Variants in COL10A1 observed in about 807,000 individuals in gnomAD.
COL10A1 encodes the protein collagen alpha-1(X) chain.
A neutral mutation model predicts 18.2 loss-of-function variants in COL10A1; 10 were observed. That is an observed-to-expected ratio of 0.55 (90% CI 0.34 to 0.93). The LOEUF (loss-of-function observed/expected upper bound fraction) is 0.93. Among genes scored for constraint, COL10A1 ranks in the 40% least tolerant of loss-of-function variants. The pLI, the probability that COL10A1 is intolerant of heterozygous loss-of-function variation, is 0.02. For synonymous variants in COL10A1, 330 were observed against 316.6 expected (o/e 1.04, Z -0.45); for missense variants, 897 against 853.5 (o/e 1.05, Z -0.64).
At chr6:116,130,360 A>AT (rs1779428956), upstream of COL10A1, among the ~76,000 whole-genome samples, 2 of 152,036 alleles carry the variant, frequency 1.3e-5, no homozygotes, top group South Asian at 4.2e-4. Context: ...TAATCTTACT[A>AT]TTGTTCAGAA....
chr6:116,196,208 A>G, the COL10A1 span, among the ~76,000 whole-genome samples: 648 of 152,108 alleles, frequency 4.3e-3, 4 homozygotes, highest in African/African-American at 0.015. Context: ...CTTAAACCTC[A>G]AATCACCCAG....
the COL10A1 span, among the ~76,000 whole-genome samples, chr6:116,187,542 G>A: frequency 4.9e-4 from 75 of 152,178 alleles, no homozygotes; most frequent in African/African-American, 1.5e-3. Flanking sequence ...TCACTGAACC[G>A]GAGATGCCAG....
the COL10A1 span, among the ~76,000 whole-genome samples, chr6:116,168,393 CTTTTAA>C: frequency 6.6e-6 from 1 of 151,974 alleles, no homozygotes; most frequent in Admixed American, 6.6e-5. Context: ...ATCCATTGAG[CTTTTAA>C]TTTTGATTAC....
chr6:116,135,341 T>C lies in COL10A1; in HGVS notation c.-15-9834A>G, dbSNP rs373917561. On this transcript the variant is annotated intron_variant, in intron 1 of 1. Transcript: ENST00000418500. ...ATCATTAAAATACGAATATTAGAGC[T>C]GAAAGAGATACTAATCCAAGTAAGT... 2.6e-3 allele frequency among the ~76,000 whole-genome samples: 390 copies of C among 152,176 alleles called. 10 individuals carry two copies. The South Asian group carries it at 0.043, about 17-fold the overall frequency.
the COL10A1 span, among the ~76,000 whole-genome samples, chr6:116,178,099 G>A: frequency 3.1e-4 from 32 of 101,666 alleles, no homozygotes; most frequent in African/African-American, 1.1e-3. Context: ...GCGCGCGCGC[G>A]CGCGTGCGTG....
At chr6:116,178,110 CGTGTGT>C in the COL10A1 span, among the ~76,000 whole-genome samples, 920 of 117,538 alleles carry the variant, frequency 7.8e-3, 16 homozygotes, top group African/African-American at 0.026. Context: ...CGCGTGCGTG[CGTGTGT>C]GTGTGTGTGT....
chr6:116,190,609 C>T, the COL10A1 span, among the ~76,000 whole-genome samples: 13 of 151,948 alleles, frequency 8.6e-5, no homozygotes, highest in Admixed American at 8.5e-4. Context: ...GGTAAACACC[C>T]CATGCAGAAA....
At chr6:116,181,287 AT>A in the COL10A1 span, among the ~76,000 whole-genome samples, 1 of 152,208 alleles carries the variant, frequency 6.6e-6, no homozygotes, top group Non-Finnish European at 1.5e-5. Flanking sequence ...ATACAATGTA[AT>A]ATAGATACAA....
the COL10A1 span, among the ~76,000 whole-genome samples, chr6:116,188,705 A>G: frequency 1.8e-5 from 2 of 111,980 alleles, no homozygotes; most frequent in African/African-American, 4.3e-5. Flanking sequence ...GAAATTTTCT[A>G]CTTTTTTTTT....
the COL10A1 span, among the ~76,000 whole-genome samples, chr6:116,213,993 C>T: frequency 6.6e-6 from 1 of 152,086 alleles, no homozygotes; most frequent in Non-Finnish European, 1.5e-5. Flanking sequence ...TCCCAAGTAG[C>T]TGGGACTATA....
upstream of COL10A1, among the ~76,000 whole-genome samples, chr6:116,126,613 A>G (rs1194393220): frequency 1.3e-5 from 2 of 152,154 alleles, no homozygotes; most frequent in African/African-American, 4.8e-5. Context: ...TTTTGTGAAA[A>G]TAGCTGACCC....
At chr6:116,138,374 G>A (rs1779674725) in intron 1 of COL10A1, among the ~76,000 whole-genome samples, 1 of 152,202 alleles carries the variant, frequency 6.6e-6, no homozygotes, top group Non-Finnish European at 1.5e-5. Flanking sequence ...AGGAACTACT[G>A]TGTTGGCTAT....
chr6:116,141,678 GT>G (rs888957126), intron 1 of COL10A1, among the ~76,000 whole-genome samples: 2 of 151,364 alleles, frequency 1.3e-5, no homozygotes, highest in African/African-American at 4.9e-5. Flanking sequence ...ATTAACAGAA[GT>G]TTATATTCAA....
At chr6:116,140,041 G>A (rs1779726031) in intron 1 of COL10A1, among the ~76,000 whole-genome samples, 1 of 152,124 alleles carries the variant, frequency 6.6e-6, no homozygotes, top group South Asian at 2.1e-4. Context: ...ATTTTGTAAG[G>A]AAACTGAAGC....
At chr6:116,160,660 T>TTG (rs1465402381), upstream of COL10A1, among the ~76,000 whole-genome samples, 1 of 152,206 alleles carries the variant, frequency 6.6e-6, no homozygotes, top group African/African-American at 2.4e-5. Context: ...TTTGTTGCAT[T>TTG]TGTTGTTGAG....
intron 1 of COL10A1, among the ~76,000 whole-genome samples, chr6:116,149,307 A>G (rs946192546): frequency 2.0e-5 from 3 of 152,234 alleles, no homozygotes; most frequent in South Asian, 2.1e-4. Flanking sequence ...CATCACTGCA[A>G]AATTTCAGAA....
upstream of COL10A1, among the ~76,000 whole-genome samples, chr6:116,160,313 C>T (rs767385033): frequency 6.6e-6 from 1 of 152,096 alleles, no homozygotes; most frequent in Non-Finnish European, 1.5e-5. Flanking sequence ...GCTATTCTGA[C>T]TGGTATGAGA....
chr6:116,178,102 CGTGCGTGCGT>C, the COL10A1 span, among the ~76,000 whole-genome samples: 1 of 94,472 alleles, frequency 1.1e-5, no homozygotes, highest in Non-Finnish European at 2.1e-5. Context: ...CGCGCGCGCG[CGTGCGTGCGT>C]GTGTGTGTGT....
At chr6:116,145,999 T>A (rs1779890262) in intron 1 of COL10A1, among the ~76,000 whole-genome samples, 1 of 152,198 alleles carries the variant, frequency 6.6e-6, no homozygotes. Flanking sequence ...CTTACTTACT[T>A]CTGGAAAGCA....
Sources: allele counts gnomAD v4.1 joint callset (sites outside exome capture counted in the v4.1 genomes callset), GRCh38; gene constraint gnomAD v4.1.1; transcripts MANE v1.5; gene names NCBI Gene and HGNC (gene_info 2026-07-23, HGNC 2026-07-21).